Variants in CAMTA1 observed in about 807,000 individuals in gnomAD.
CAMTA1 encodes calmodulin binding transcription activator 1, also known as calmodulin-binding transcription activator 1.
Under a neutral mutation model 170.9 loss-of-function variants are expected in CAMTA1, and 27 were observed. That is an observed-to-expected ratio of 0.16 (90% CI 0.12 to 0.22). The LOEUF (loss-of-function observed/expected upper bound fraction) is 0.22, where lower values mean the gene tolerates loss of function less well. Ranked by LOEUF, CAMTA1 falls within the 10% of genes least tolerant of loss-of-function variation. The pLI is 1.00. For synonymous variants in CAMTA1, 833 were observed against 891.5 expected (o/e 0.93, Z 1.17); for missense variants, 1,619 against 2,217.2 (o/e 0.73, Z 5.42).
intron 4 of CAMTA1, among the ~76,000 whole-genome samples, chr1:7,165,578 C>T (rs12403955): frequency 0.053 from 8,017 of 152,150 alleles, 300 homozygotes; most frequent in Non-Finnish European, 0.077. Context: ...ACTACAGGCA[C>T]GCACCACCAT....
intron 6 of CAMTA1, among the ~76,000 whole-genome samples, chr1:7,563,995 G>A (rs1437417576): frequency 2.0e-5 from 3 of 152,200 alleles, no homozygotes; most frequent in Non-Finnish European, 4.4e-5. Flanking sequence ...CCCAGGCCTT[G>A]GGTGTCATGA....
Position 7,580,938 on chromosome 1 carries a change from G to A in CAMTA1, c.511-59462G>A, listed in dbSNP as rs1417388886. On this transcript the variant is annotated intron_variant, in intron 6 of 22. Coordinates refer to ENST00000303635, the MANE Select transcript of CAMTA1 (RefSeq NM_015215.4). The surrounding 1 kb of genome is among the most constrained non-coding windows in gnomAD (Gnocchi z 4.3). Reference sequence around the variant, plus strand: ...GGCCTCAGTTTCCTCATCTGTAAATGGGATAATAATAGAAAATACCCTAAA... The same window carrying A: ...GGCCTCAGTTTCCTCATCTGTAAATAGGATAATAATAGAAAATACCCTAAA... 6.6e-6 allele frequency among the ~76,000 whole-genome samples: 1 copy of A among 152,222 alleles called. No individual in the cohort carries two copies. The highest frequency in any genetic ancestry group is 2.4e-5 in the African/African-American group (1 of 41,454).
At chr1:6,948,846 C>T (rs1416031055) in intron 3 of CAMTA1, among the ~76,000 whole-genome samples, 2 of 152,126 alleles carry the variant, frequency 1.3e-5, no homozygotes, top group Admixed American at 6.5e-5. Flanking sequence ...ACCACAAGGC[C>T]TGAGGTGATC....
intron 11 of CAMTA1, among the ~76,000 whole-genome samples, chr1:7,723,792 C>T (rs1211242154): frequency 6.6e-6 from 1 of 152,176 alleles, no homozygotes; most frequent in African/African-American, 2.4e-5. Flanking sequence ...TCCAAAATAC[C>T]TGACCAGTAT....
chr1:7,669,573 G>T (rs1421054199), intron 9 of CAMTA1, among the ~76,000 whole-genome samples: 1 of 152,210 alleles, frequency 6.6e-6, no homozygotes, highest in East Asian at 1.9e-4. Context: ...AGTGGGGAAG[G>T]TGGGCTCACA....
intron 18 of CAMTA1, among the ~76,000 whole-genome samples, chr1:7,746,751 C>T (rs2096859863): frequency 6.6e-6 from 1 of 151,468 alleles, no homozygotes; most frequent in East Asian, 1.9e-4. Flanking sequence ...ATTCTCCTGC[C>T]TCAGCCTCCC....
chr1:6,824,894 T>A (rs1302435605), intron 2 of CAMTA1, among the ~76,000 whole-genome samples, 198 bp from the exon 3 acceptor site: 1 of 152,168 alleles, frequency 6.6e-6, no homozygotes, highest in Non-Finnish European at 1.5e-5. Flanking sequence ...CTGTTTTAAA[T>A]CCTCTTGACC....
intron 5 of CAMTA1, among the ~76,000 whole-genome samples, chr1:7,428,410 T>A (rs149037584): frequency 5.0e-4 from 75 of 150,944 alleles, no homozygotes; most frequent in African/African-American, 1.8e-3. Context: ...CACACCTTGC[T>A]GCCTCTAGGA....
intron 5 of CAMTA1, among the ~76,000 whole-genome samples, chr1:7,260,965 C>T (rs546725543): frequency 9.9e-5 from 15 of 152,172 alleles, no homozygotes; most frequent in Non-Finnish European, 2.2e-4. Context: ...ATGTGATAAA[C>T]TGAACCTCTG....
chr1:7,203,957 G>T (rs370490627), intron 4 of CAMTA1, among the ~76,000 whole-genome samples: 1 of 150,254 alleles, frequency 6.7e-6, no homozygotes, highest in Non-Finnish European at 1.5e-5. Context: ...TCAACCTCCC[G>T]AGTAGCTGGG....
Position 7,249,511 on chromosome 1 carries a change from T to C in CAMTA1, c.323T>C (p.Ile108Thr). The stretch of plus-strand genomic sequence containing the variant: ...TCCAGACCACAGAATGGCTCAATGA[T>C]ACTCTACAACAGGAAGAAAGTGAAA... ...PKTRPQNGSM[I>T]LYNRKKVKYR... The change falls in exon 5 of 23, where the codon ATA becomes ACA. Residue 108 changes from isoleucine (I) to threonine (T), a missense_variant. Transcript: ENST00000303635. This position sits in a 1 kb window ranked among gnomAD's most constrained non-coding sequence, Gnocchi z 4.4. 6.2e-7 allele frequency: 1 copy of C among 1,614,044 alleles called. No individual in the cohort carries two copies. Among genetic ancestry groups the C allele is most frequent in the Non-Finnish European group, 8.5e-7 (1 of 1,179,994 alleles).
chr1:7,514,882 CTG>C (rs1575741348), intron 6 of CAMTA1, among the ~76,000 whole-genome samples: 1 of 152,162 alleles, frequency 6.6e-6, no homozygotes, highest in African/African-American at 2.4e-5. Flanking sequence ...GGGATGCAGA[CTG>C]AGATTCAAAA....
At position 7,652,329 on chromosome 1, in the gene CAMTA1, G is replaced by A. The variant is rs540168114; in HGVS notation, c.665-9397G>A. Among the ~76,000 whole-genome samples, 3 of 152,126 alleles carry A rather than the reference G, an allele frequency of 2.0e-5. No homozygotes were observed. In the South Asian group the frequency reaches 6.2e-4, roughly 32 times the overall value. On this transcript the variant is annotated intron_variant, in intron 7 of 22. Transcript: ENST00000303635. The stretch of plus-strand genomic sequence containing the variant: ...TCCCCCTTCCTCTCCTGCTTGCTCT[G>A]ATTTTCCAAGAGCAAGTCCCCATCA...
intron 3 of CAMTA1, among the ~76,000 whole-genome samples, chr1:7,084,994 A>G (rs1349450694): frequency 6.6e-6 from 1 of 152,196 alleles, no homozygotes; most frequent in Non-Finnish European, 1.5e-5. Flanking sequence ...AAATCTTTTT[A>G]TATTTTACTT....
intron 3 of CAMTA1, among the ~76,000 whole-genome samples, chr1:6,924,628 C>T (rs901949042): frequency 1.8e-4 from 27 of 152,282 alleles, no homozygotes; most frequent in African/African-American, 5.8e-4. Flanking sequence ...TGGTAACAGC[C>T]GCTTTATTCC....
intron 3 of CAMTA1, chr1:6,886,268 A>G (rs1197318348): frequency 2.2e-6 from 1 of 455,966 alleles, no homozygotes; most frequent in Non-Finnish European, 4.4e-6. Flanking sequence ...CAGAAAGCAA[A>G]TGTGCAAAGA....
intron 3 of CAMTA1, chr1:6,871,611 G>C (rs1668429169): frequency 1.7e-6 from 1 of 577,030 alleles, no homozygotes. Context: ...AACAGGTAAT[G>C]AAAGTGTGGT....
chr1:7,492,946 TAAACAC>T (rs1389189049), intron 6 of CAMTA1, among the ~76,000 whole-genome samples: 5 of 68,290 alleles, frequency 7.3e-5, no homozygotes, highest in African/African-American at 2.4e-4. Context: ...CACGCACACA[TAAACAC>T]AGACTTACAT....
intron 6 of CAMTA1, among the ~76,000 whole-genome samples, chr1:7,493,494 T>C (rs2995391): frequency 0.66 from 100,277 of 151,352 alleles, 34,363 homozygotes; most frequent in African/African-American, 0.83. Context: ...TGCACACACA[T>C]AACCATACAA....
Sources: allele counts gnomAD v4.1 joint callset (sites outside exome capture counted in the v4.1 genomes callset), GRCh38; gene constraint gnomAD v4.1.1; non-coding constraint Gnocchi (gnomAD v3.1); transcripts MANE v1.5; gene names NCBI Gene and HGNC (gene_info 2026-07-23, HGNC 2026-07-21).